Variants in BANK1 observed in about 807,000 individuals in gnomAD.
BANK1 encodes the protein B cell scaffold protein with ankyrin repeats 1, also known as B-cell scaffold protein with ankyrin repeats.
BANK1 carries 95 observed loss-of-function variants against 94.5 expected under a neutral mutation model. The ratio of observed to expected loss-of-function variants is 1.00; its 90% CI spans 0.85 to 1.19. The LOEUF is 1.19. Ranked by LOEUF, BANK1 falls within the 50% of genes most tolerant of loss-of-function variation. The pLI is 0.00. For synonymous variants in BANK1, 334 were observed against 308.4 expected (o/e 1.08, Z -0.87); for missense variants, 987 against 932.2 (o/e 1.06, Z -0.77).
intron 10 of BANK1, among the ~76,000 whole-genome samples, chr4:102,041,093 A>C (rs1727688229): frequency 6.6e-6 from 1 of 152,052 alleles, no homozygotes; most frequent in Non-Finnish European, 1.5e-5. Flanking sequence ...TTTGTATATA[A>C]ATCTGAGTGA....
intron 1 of BANK1, among the ~76,000 whole-genome samples, chr4:101,810,132 C>A (rs1266208210): frequency 6.6e-6 from 1 of 152,088 alleles, no homozygotes; most frequent in African/African-American, 2.4e-5. Flanking sequence ...AGGAATGGGA[C>A]CATTGGTCAA....
chr4:101,895,950 T>C (rs950422257), intron 6 of BANK1, among the ~76,000 whole-genome samples: 1 of 151,904 alleles, frequency 6.6e-6, no homozygotes, highest in East Asian at 1.9e-4. Context: ...TAAGTTTATA[T>C]ATATAAATTG....
At chr4:102,069,082 G>A (rs1444359946) in intron 13 of BANK1, among the ~76,000 whole-genome samples, 1 of 152,066 alleles carries the variant, frequency 6.6e-6, no homozygotes, top group Non-Finnish European at 1.5e-5. Flanking sequence ...CAAAAAAAAT[G>A]TATTATGGAT....
chr4:101,986,420 G>T (rs1051246163), intron 7 of BANK1, among the ~76,000 whole-genome samples: 11 of 152,102 alleles, frequency 7.2e-5, no homozygotes, highest in Admixed American at 1.3e-4. Flanking sequence ...TAACATGAAT[G>T]AAAAAACTCA....
intron 7 of BANK1, among the ~76,000 whole-genome samples, chr4:102,001,560 A>C (rs1726075692): frequency 6.6e-6 from 1 of 152,210 alleles, no homozygotes; most frequent in South Asian, 2.1e-4. Context: ...AGATTGTGCC[A>C]CTGCACTCCA....
intron 2 of BANK1, among the ~76,000 whole-genome samples, chr4:101,840,318 A>T (rs1295213339): frequency 6.6e-6 from 1 of 152,088 alleles, no homozygotes; most frequent in African/African-American, 2.4e-5. Flanking sequence ...ATGATGCCTG[A>T]CTTTGAATTA....
At chr4:102,035,680 A>AT (rs1240552426) in intron 10 of BANK1, among the ~76,000 whole-genome samples, 7 of 150,142 alleles carry the variant, frequency 4.7e-5, no homozygotes, top group African/African-American at 9.8e-5. Context: ...ACCCATGTTG[A>AT]TTTTTTTTAT....
chr4:102,051,605 C>G (rs1033228072), intron 11 of BANK1, among the ~76,000 whole-genome samples: 1 of 152,168 alleles, frequency 6.6e-6, no homozygotes, highest in Non-Finnish European at 1.5e-5. Context: ...TAGTCTACCC[C>G]TACTGTCTAT....
chr4:101,875,343 A>G (rs1353855221), intron 5 of BANK1, among the ~76,000 whole-genome samples: 1 of 152,156 alleles, frequency 6.6e-6, no homozygotes, highest in Non-Finnish European at 1.5e-5. Flanking sequence ...CCATTCTCAC[A>G]CTGCTATAAA....
chr4:101,892,824 A>C (rs942330873), intron 5 of BANK1, among the ~76,000 whole-genome samples: 2 of 152,020 alleles, frequency 1.3e-5, no homozygotes, highest in African/African-American at 4.8e-5. Context: ...TTCAATGCCA[A>C]TGTTTAGAAA....
chr4:102,067,110 T>C (rs1728620041), intron 13 of BANK1, among the ~76,000 whole-genome samples: 1 of 152,052 alleles, frequency 6.6e-6, no homozygotes, highest in South Asian at 2.1e-4. Context: ...TCATGTTTTA[T>C]TTTAAAAATA....
At chr4:102,040,723 G>A (rs6821429) in intron 10 of BANK1, among the ~76,000 whole-genome samples, 50,009 of 151,848 alleles carry the variant, frequency 0.33, 8,520 homozygotes, top group South Asian at 0.45. Flanking sequence ...TCAAAACATA[G>A]CATTCCACTT....
intron 7 of BANK1, among the ~76,000 whole-genome samples, chr4:101,990,758 A>G (rs1308600487): frequency 6.6e-6 from 1 of 152,154 alleles, no homozygotes; most frequent in East Asian, 1.9e-4. Flanking sequence ...ATATTTTGAA[A>G]CATTCAACAT....
At chr4:101,975,207 T>C (rs1482888538) in intron 7 of BANK1, among the ~76,000 whole-genome samples, 1 of 152,208 alleles carries the variant, frequency 6.6e-6, no homozygotes, top group Non-Finnish European at 1.5e-5. Context: ...TTGTTTTAAA[T>C]AAATCATATA....
chr4:101,984,800 A>T (rs1255596047), intron 7 of BANK1, among the ~76,000 whole-genome samples: 1 of 152,054 alleles, frequency 6.6e-6, no homozygotes, highest in Non-Finnish European at 1.5e-5. Flanking sequence ...TCTGCATAAG[A>T]AAAAGGGGGC....
In BANK1 at chr4:101,868,807, A is replaced by AACC. The variant is rs1211937346; in HGVS notation, c.764-1696_764-1694dup. ...TAATATATTACTGAGGGGGCCTTCCAACCAGATGAATCTATAAGACATTCT... is the reference window on the plus strand; with the variant it reads ...TAATATATTACTGAGGGGGCCTTCCAACCACCAGATGAATCTATAAGACATTCT... On this transcript the variant is annotated intron_variant, in intron 4 of 16. Coordinates refer to ENST00000322953, the MANE Select transcript of BANK1 (RefSeq NM_017935.5). 1.3e-5 allele frequency among the ~76,000 whole-genome samples: 2 copies of AACC among 152,030 alleles called. 1 individual carries two copies. The highest frequency in any genetic ancestry group is 1.3e-4 in the Admixed American group (2 of 15,252).
chr4:101,962,036 A>G (rs1724588148), intron 7 of BANK1, among the ~76,000 whole-genome samples: 1 of 152,144 alleles, frequency 6.6e-6, no homozygotes, highest in Non-Finnish European at 1.5e-5. Context: ...AATAATTAGA[A>G]AGGTTACAAA....
At chr4:101,977,269 G>C (rs746461857) in intron 7 of BANK1, among the ~76,000 whole-genome samples, 11 of 152,144 alleles carry the variant, frequency 7.2e-5, no homozygotes, top group Non-Finnish European at 1.3e-4. Flanking sequence ...GCATAAGGAA[G>C]GGAATGTGGT....
At chr4:101,880,802 G>A (rs1403596185) in intron 5 of BANK1, among the ~76,000 whole-genome samples, 3 of 152,086 alleles carry the variant, frequency 2.0e-5, no homozygotes, top group South Asian at 2.1e-4. Flanking sequence ...CGACAAAGGT[G>A]TCAAGAACAC....
Sources: allele counts gnomAD v4.1 joint callset (sites outside exome capture counted in the v4.1 genomes callset), GRCh38; gene constraint gnomAD v4.1.1; transcripts MANE v1.5; gene names NCBI Gene and HGNC (gene_info 2026-07-23, HGNC 2026-07-21).